Variants in GRIN2A observed in about 807,000 individuals in gnomAD.
GRIN2A encodes glutamate ionotropic receptor NMDA type subunit 2A, also known as glutamate receptor ionotropic, NMDA 2A.
A neutral mutation model predicts 113.4 loss-of-function variants in GRIN2A; 22 were observed. That is an observed-to-expected ratio of 0.19 (90% confidence interval 0.14 to 0.28). The LOEUF (loss-of-function observed/expected upper bound fraction) is 0.28. Among genes scored for constraint, GRIN2A ranks in the 10% least tolerant of loss-of-function variants. The probability of loss-of-function intolerance (pLI) is 1.00; values close to 1 mark genes in which losing one functional copy is unlikely to be tolerated. For synonymous variants in GRIN2A, 827 were observed against 738.4 expected (o/e 1.12, Z -1.94); for missense variants, 1,502 against 1,887.0 (o/e 0.80, Z 3.78).
At chr16:10,165,240 A>T (rs2049888505) in intron 2 of GRIN2A, among the ~76,000 whole-genome samples, 1 of 152,112 alleles carries the variant, frequency 6.6e-6, no homozygotes, top group Non-Finnish European at 1.5e-5. Context: ...TGAAAGCCTC[A>T]TGATAAAATG....
chr16:10,140,703 G>A (rs1305599543), intron 2 of GRIN2A, among the ~76,000 whole-genome samples: 5 of 152,128 alleles, frequency 3.3e-5, no homozygotes, highest in African/African-American at 9.7e-5. Context: ...TGAACAATGT[G>A]ATTGGTTGAT....
intron 2 of GRIN2A, among the ~76,000 whole-genome samples, chr16:9,999,294 C>A (rs1034646364): frequency 6.6e-6 from 1 of 152,134 alleles, no homozygotes; most frequent in East Asian, 1.9e-4. Context: ...TTAAACTTAC[C>A]ACTCTAAACA....
chr16:10,054,332 T>C (rs1174282426), intron 2 of GRIN2A, among the ~76,000 whole-genome samples: 1 of 152,208 alleles, frequency 6.6e-6, no homozygotes, highest in African/African-American at 2.4e-5. Flanking sequence ...AAATGCAAAT[T>C]GAAGACCATG....
intron 2 of GRIN2A, among the ~76,000 whole-genome samples, chr16:9,951,493 T>C (rs2045178292): frequency 6.6e-6 from 1 of 152,214 alleles, no homozygotes; most frequent in Non-Finnish European, 1.5e-5. Flanking sequence ...AAAAAGCTAA[T>C]ATCTGTTTGT....
chr16:9,935,856 C>T (rs2044703202), intron 3 of GRIN2A, among the ~76,000 whole-genome samples: 4 of 152,020 alleles, frequency 2.6e-5, no homozygotes, highest in Admixed American at 2.6e-4. Context: ...CATGCTCTAC[C>T]ACACCTGGCT....
chr16:9,757,649 C>G lies in GRIN2A; in HGVS notation c.*5500G>C, dbSNP rs1259688822. ...TATTAGCTGGTCAATGTGCTTGGTT[C>G]TTCCTCAATGCATGATACATAGACC... On this transcript the variant is annotated 3_prime_UTR_variant, in exon 13 of 13. Transcript: ENST00000330684. The G allele has an allele frequency of 9.0e-6, 2 of 221,608 alleles. No homozygotes were observed. Among genetic ancestry groups the G allele is most frequent in the Non-Finnish European group, 1.8e-5 (2 of 110,798 alleles). 13.7% of individuals were successfully genotyped at this position (221,608 alleles called of 1,614,324 possible). A position where few individuals can be genotyped will look rare whatever the true frequency, so the allele number is the denominator to read the frequency against.
At position 9,798,389 on chromosome 16, in the gene GRIN2A, C is replaced by T. The variant is rs1486529026; in HGVS notation, c.2244G>A (p.Val748=). The change falls in exon 11 of 13, where the codon GTG becomes GTA. Residue 748 remains valine (V), a synonymous_variant. Transcript: ENST00000330684. ...CAAAGATGTACCCACTCCCGATGGT[C>T]ACCAGCTTGCAGCCTTCATCCCTCC... is the stretch of plus-strand genomic sequence containing the variant. ...KAGRDEGCKL[V]TIGSGYIFAT... is the part of the protein sequence containing the mutation. 2 of 1,613,998 alleles carry T rather than the reference C, an allele frequency of 1.2e-6. No homozygotes were observed. Among genetic ancestry groups the T allele is most frequent in the Admixed American group, 1.7e-5 (1 of 60,020 alleles).
At chr16:9,934,385 G>T (rs1455087793) in intron 3 of GRIN2A, among the ~76,000 whole-genome samples, 1 of 152,018 alleles carries the variant, frequency 6.6e-6, no homozygotes, top group Admixed American at 6.5e-5. Context: ...ACAGAGGATA[G>T]AATATAGTGC....
At chr16:9,827,482 C>T (rs2042407652) in intron 9 of GRIN2A, among the ~76,000 whole-genome samples, 1 of 152,176 alleles carries the variant, frequency 6.6e-6, no homozygotes, top group African/African-American at 2.4e-5. Flanking sequence ...CATCTCAGTC[C>T]CGTCCTGCAG....
At chr16:9,944,444 C>T (rs1330465909) in intron 2 of GRIN2A, among the ~76,000 whole-genome samples, 1 of 152,124 alleles carries the variant, frequency 6.6e-6, no homozygotes, top group Non-Finnish European at 1.5e-5. Context: ...CTGTCATCAT[C>T]ATCCTCCATC....
intron 2 of GRIN2A, among the ~76,000 whole-genome samples, chr16:10,117,753 A>G (rs2142168849): frequency 6.6e-6 from 1 of 152,346 alleles, no homozygotes; most frequent in Non-Finnish European, 1.5e-5. Context: ...GATTGATTAC[A>G]TACAATTACC....
At position 10,110,457 on chromosome 16, in the gene GRIN2A, G is replaced by T. The variant is rs78598944; in HGVS notation, c.414+69541C>A. ...TTGTTTTAATAAAGATTTCTTAACAGAATATGGAGAAGCAAGTGGCAAGGG... is the reference window on the plus strand; with the variant it reads ...TTGTTTTAATAAAGATTTCTTAACATAATATGGAGAAGCAAGTGGCAAGGG... On this transcript the variant is annotated intron_variant, in intron 2 of 12. Transcript: ENST00000330684. Among the ~76,000 whole-genome samples, 87 of 152,354 alleles carry T rather than the reference G, an allele frequency of 5.7e-4. 1 individual carries two copies. The highest frequency in any genetic ancestry group is 1.9e-3 in the African/African-American group (79 of 41,572).
At chr16:9,948,152 CCTTT>C (rs908269784) in intron 2 of GRIN2A, among the ~76,000 whole-genome samples, 3 of 152,168 alleles carry the variant, frequency 2.0e-5, no homozygotes, top group Non-Finnish European at 4.4e-5. Context: ...TTGCAGGAAC[CCTTT>C]CAGTCCTGGA....
rs541853854 is a variant in GRIN2A, at chr16:9,889,689, G to A, written c.1122+1297C>T. On this transcript the variant is annotated intron_variant, in intron 4 of 12. Transcript: ENST00000330684. ...CATTCTGACTAAAGTATTTTCTAAT[G>A]TCTTTCTGATTTCTTCTTTGACCTA... Among the ~76,000 whole-genome samples, 28 of 152,142 alleles carry A rather than the reference G, an allele frequency of 1.8e-4. No homozygotes were observed. The South Asian group carries it at 5.2e-3, about 28-fold the overall frequency.
At chr16:9,974,420 CT>C (rs775232560) in intron 2 of GRIN2A, among the ~76,000 whole-genome samples, 1 of 152,166 alleles carries the variant, frequency 6.6e-6, no homozygotes, top group Non-Finnish European at 1.5e-5. Flanking sequence ...CTGTTTCGTT[CT>C]GATTACCGGT....
At chr16:9,792,950 G>C (rs961773575) in intron 11 of GRIN2A, among the ~76,000 whole-genome samples, 1 of 152,188 alleles carries the variant, frequency 6.6e-6, no homozygotes, top group African/African-American at 2.4e-5. Context: ...TTGTCCATTG[G>C]CTGGTAGCCT....
chr16:9,823,293 G>A (rs1272385165), intron 9 of GRIN2A, among the ~76,000 whole-genome samples: 2 of 152,170 alleles, frequency 1.3e-5, no homozygotes, highest in East Asian at 3.8e-4. Context: ...ATAAGCAGGA[G>A]CTCGAACTGG....
chr16:10,090,064 A>G (rs1197649560), intron 2 of GRIN2A, among the ~76,000 whole-genome samples: 1 of 152,218 alleles, frequency 6.6e-6, no homozygotes, highest in Admixed American at 6.5e-5. Context: ...CAGCTTTTTT[A>G]GTATTTAGGA....
In GRIN2A at chr16:9,956,755, G is replaced by C. The variant is rs2045320796; in HGVS notation, c.415-18204C>G. 2.0e-5 allele frequency among the ~76,000 whole-genome samples: 3 copies of C among 152,170 alleles called. No individual in the cohort carries two copies. The South Asian group carries it at 6.2e-4, about 31-fold the overall frequency. On this transcript the variant is annotated intron_variant, in intron 2 of 12. Transcript: ENST00000330684. ...TTAAGAATGCACAATGGGGGAAACAGAACAATTTAGATGGTTGAAGACTTC... is the reference window on the plus strand; with the variant it reads ...TTAAGAATGCACAATGGGGGAAACACAACAATTTAGATGGTTGAAGACTTC...
Sources: allele counts gnomAD v4.1 joint callset (sites outside exome capture counted in the v4.1 genomes callset), GRCh38; gene constraint gnomAD v4.1.1; transcripts MANE v1.5; gene names NCBI Gene and HGNC (gene_info 2026-07-23, HGNC 2026-07-21).